The following MAMDC2 variants were observed in gnomAD, a reference collection of about 807,000 sequenced individuals.
MAMDC2 encodes MAM domain containing 2.
MAMDC2 carries 57 observed loss-of-function variants against 89.8 expected under a neutral mutation model. That is an observed-to-expected ratio of 0.63 (90% CI 0.51 to 0.79). The LOEUF (loss-of-function observed/expected upper bound fraction) is 0.79, where lower values mean the gene tolerates loss of function less well. MAMDC2 is among the 30% of genes least tolerant of loss of function. The pLI is 0.00. For missense variants in MAMDC2, 800 were observed against 820.6 expected (o/e 0.97, Z 0.31); for synonymous variants, 313 against 293.4 (o/e 1.07, Z -0.68).
chr9:70,076,993 C>G (rs1471897526), intron 2 of MAMDC2, among the ~76,000 whole-genome samples: 1 of 152,108 alleles, frequency 6.6e-6, no homozygotes, highest in African/African-American at 2.4e-5. Flanking sequence ...GGAGAGAAAC[C>G]CAAATGCCAG....
chr9:70,121,582 A>G (rs966154237), intron 5 of MAMDC2, among the ~76,000 whole-genome samples: 2 of 152,106 alleles, frequency 1.3e-5, no homozygotes, highest in Admixed American at 1.3e-4. Flanking sequence ...TTTCGTTTTC[A>G]GTTCAAGTTG....
chr9:70,204,520 C>T (rs1307437203), intron 11 of MAMDC2, among the ~76,000 whole-genome samples: 22 of 147,420 alleles, frequency 1.5e-4, no homozygotes, highest in African/African-American at 5.6e-4. Context: ...TTTGTCTGTG[C>T]CCTGCCCCCA....
chr9:70,087,400 G>C (rs1270057091), intron 2 of MAMDC2: 3 of 152,226 alleles, frequency 2.0e-5, no homozygotes, highest in African/African-American at 7.2e-5. Flanking sequence ...TGTTGTGCTG[G>C]CTTCATTTTC....
At chr9:70,095,960 A>G (rs1024583486) in intron 2 of MAMDC2, among the ~76,000 whole-genome samples, 13 of 152,136 alleles carry the variant, frequency 8.5e-5, no homozygotes, top group South Asian at 2.1e-4. Flanking sequence ...CAACACTGTC[A>G]GTTTCCCCAG....
chr9:70,132,008 G>A (rs1296972389), intron 7 of MAMDC2, among the ~76,000 whole-genome samples: 2 of 152,130 alleles, frequency 1.3e-5, no homozygotes, highest in Non-Finnish European at 2.9e-5. Context: ...TTTTAAAAAC[G>A]CTTTCCAACT....
intron 10 of MAMDC2, chr9:70,170,171 A>G (rs1051495197): frequency 9.9e-6 from 3 of 304,286 alleles, no homozygotes; most frequent in Non-Finnish European, 1.2e-5. Flanking sequence ...CAATATACCT[A>G]TAATTTCCAG....
At chr9:70,161,944 T>C (rs2031989924) in intron 9 of MAMDC2, among the ~76,000 whole-genome samples, 2 of 152,230 alleles carry the variant, frequency 1.3e-5, no homozygotes, top group Non-Finnish European at 2.9e-5. Flanking sequence ...TCAAACCGTC[T>C]GGGAAATTGT....
intron 11 of MAMDC2, among the ~76,000 whole-genome samples, chr9:70,214,849 G>C (rs1276223157): frequency 6.6e-6 from 1 of 152,162 alleles, no homozygotes; most frequent in Non-Finnish European, 1.5e-5. Flanking sequence ...CACAGGTTTT[G>C]GGTGTCAACG....
intron 10 of MAMDC2, 154 bp from the exon 11 acceptor site, chr9:70,170,325 G>A: frequency 1.6e-6 from 1 of 638,872 alleles, no homozygotes; most frequent in Non-Finnish European, 2.5e-6. Flanking sequence ...CTAGCTGGAA[G>A]CAGTGGCTCC....
chr9:70,056,232 C>A (rs947585274), intron 2 of MAMDC2, among the ~76,000 whole-genome samples: 1 of 152,186 alleles, frequency 6.6e-6, no homozygotes, highest in African/African-American at 2.4e-5. Flanking sequence ...CTACAGATTT[C>A]TTCTATTTCT....
chr9:70,111,626 G>T (rs1476361080), intron 4 of MAMDC2, among the ~76,000 whole-genome samples: 21 of 152,220 alleles, frequency 1.4e-4, no homozygotes, highest in Admixed American at 1.4e-3. Context: ...TAGGGCATTG[G>T]CTAGCAGACA....
At chr9:70,185,984 C>T (rs2032747298) in intron 11 of MAMDC2, among the ~76,000 whole-genome samples, 1 of 152,190 alleles carries the variant, frequency 6.6e-6, no homozygotes, top group African/African-American at 2.4e-5. Flanking sequence ...CAGACCAGAG[C>T]TGTTCCTATT....
At chr9:70,218,284 A>T in intron 11 of MAMDC2, 53 bp from the exon 12 acceptor site, 1 of 1,550,608 alleles carries the variant, frequency 6.4e-7, no homozygotes. Flanking sequence ...ATGAAAGGAG[A>T]AAATGTAATT....
chr9:70,127,061 A>G (rs1292564290), intron 6 of MAMDC2, among the ~76,000 whole-genome samples: 3 of 152,210 alleles, frequency 2.0e-5, no homozygotes, highest in Non-Finnish European at 4.4e-5. Flanking sequence ...GGGGAGGACT[A>G]CTAACATTAA....
chr9:70,048,719 CG>C (rs1377867783), intron 2 of MAMDC2, among the ~76,000 whole-genome samples: 5 of 152,198 alleles, frequency 3.3e-5, no homozygotes, highest in Non-Finnish European at 5.9e-5. Context: ...CAGCTGAAAT[CG>C]GGGCTGCTTA....
At chr9:70,204,747 A>AGGACCC (rs2118643191) in intron 11 of MAMDC2, among the ~76,000 whole-genome samples, 1 of 152,126 alleles carries the variant, frequency 6.6e-6, no homozygotes, top group Admixed American at 6.5e-5. Flanking sequence ...GGTGTGGGAT[A>AGGACCC]TAGTCTCGTG....
chr9:70,176,127 A>G (rs1482568162), intron 11 of MAMDC2, among the ~76,000 whole-genome samples: 1 of 152,208 alleles, frequency 6.6e-6, no homozygotes, highest in Admixed American at 6.5e-5. Context: ...GCTGACAACC[A>G]AGCCCTGTCC....
At position 70,044,102 on chromosome 9, in the gene MAMDC2, GC is replaced by G. The variant is rs1826671789; in HGVS notation, c.-91del. 7 of 1,464,372 alleles carry G rather than the reference GC, an allele frequency of 4.8e-6. No homozygotes were observed. The highest frequency in any genetic ancestry group is 2.8e-5 in the African/African-American group (2 of 71,938). The allele number at this position is 1,464,372 out of a possible 1,614,324, so 90.7% of individuals were successfully genotyped here. A position where few individuals can be genotyped will look rare whatever the true frequency, so the allele number is the denominator to read the frequency against. On this transcript the variant is annotated 5_prime_UTR_variant, in exon 1 of 14. Coordinates refer to ENST00000377182, the MANE Select transcript of MAMDC2 (RefSeq NM_153267.5). Reference sequence around the variant, plus strand: ...ACTTCTCCCTCCTTGGGTCCCCGGCGCCCCCGCCTCCCACGATCCCTTTCAC... The same window carrying G: ...ACTTCTCCCTCCTTGGGTCCCCGGCGCCCCGCCTCCCACGATCCCTTTCAC...
At chr9:70,071,301 TG>T (rs1827402732) in intron 2 of MAMDC2, among the ~76,000 whole-genome samples, 2 of 152,226 alleles carry the variant, frequency 1.3e-5, no homozygotes, top group South Asian at 4.1e-4. Context: ...ATTCCCTGAT[TG>T]AAGAGTCTGT....
Sources: allele counts gnomAD v4.1 joint callset (sites outside exome capture counted in the v4.1 genomes callset), GRCh38; gene constraint gnomAD v4.1.1; transcripts MANE v1.5; gene names NCBI Gene and HGNC (gene_info 2026-07-23, HGNC 2026-07-21).